Variants in TNKS observed in about 807,000 individuals in gnomAD.
TNKS encodes poly [ADP-ribose] polymerase tankyrase-1.
Under a neutral mutation model 135.8 loss-of-function variants are expected in TNKS, and 72 were observed. The observed-to-expected ratio is 0.53, with a 90% CI of 0.44 to 0.64. The LOEUF (loss-of-function observed/expected upper bound fraction) is 0.64. Ranked by LOEUF, TNKS falls within the 30% of genes least tolerant of loss-of-function variation. TNKS has a pLI of 0.00. For synonymous variants in TNKS, 849 were observed against 649.3 expected (o/e 1.31, Z -4.68); for missense variants, 1,769 against 1,674.0 (o/e 1.06, Z -0.99).
At chr8:9,609,099 C>A (rs146964276) in intron 2 of TNKS, among the ~76,000 whole-genome samples, 2 of 152,144 alleles carry the variant, frequency 1.3e-5, no homozygotes, top group East Asian at 3.9e-4. Context: ...TTTTTTAGAT[C>A]TTTCAGCTTG....
chr8:9,698,100 G>T (rs1171750025), intron 5 of TNKS, among the ~76,000 whole-genome samples: 2 of 152,136 alleles, frequency 1.3e-5, no homozygotes, highest in African/African-American at 2.4e-5. Context: ...GCCCTTTGCA[G>T]CAATATGAAT....
intron 23 of TNKS, 114 bp downstream of exon 23, chr8:9,764,904 C>T (rs993300296): frequency 7.1e-5 from 52 of 729,678 alleles, no homozygotes; most frequent in Non-Finnish European, 9.7e-5. Context: ...AAAGATAATT[C>T]GTCACCTGTC....
intron 25 of TNKS, 104 bp from the exon 26 acceptor site, chr8:9,770,002 A>T: frequency 1.0e-6 from 1 of 983,626 alleles, no homozygotes. Context: ...CATTTAAATT[A>T]GCTTGCCTTA....
intron 2 of TNKS, among the ~76,000 whole-genome samples, chr8:9,604,557 T>C (rs1799147417): frequency 6.6e-6 from 1 of 152,010 alleles, no homozygotes. Context: ...GTTTATGTAC[T>C]ATTAATTTCT....
chr8:9,660,340 A>G (rs1319661118), intron 3 of TNKS, among the ~76,000 whole-genome samples: 3 of 152,238 alleles, frequency 2.0e-5, no homozygotes, highest in African/African-American at 4.8e-5. Flanking sequence ...AATCCTCAAT[A>G]AAATACTGGC....
At chr8:9,708,209 A>G (rs1312082780) in intron 8 of TNKS, among the ~76,000 whole-genome samples, 162 bp from the exon 9 acceptor site, 1 of 152,170 alleles carries the variant, frequency 6.6e-6, no homozygotes, top group East Asian at 1.9e-4. Flanking sequence ...ATTAATCTAC[A>G]TCCTCATCTT....
At chr8:9,651,613 A>G (rs1009177186) in intron 3 of TNKS, among the ~76,000 whole-genome samples, 1 of 152,216 alleles carries the variant, frequency 6.6e-6, no homozygotes, top group Non-Finnish European at 1.5e-5. Flanking sequence ...AGTGCAATTC[A>G]GTAGTTCAGA....
chr8:9,648,057 G>T (rs970423978), intron 3 of TNKS, among the ~76,000 whole-genome samples: 1 of 152,262 alleles, frequency 6.6e-6, no homozygotes, highest in South Asian at 2.1e-4. Context: ...TATGTCTTCT[G>T]TAGGGCACTT....
intron 3 of TNKS, among the ~76,000 whole-genome samples, chr8:9,627,089 C>A (rs1428453671): frequency 6.6e-6 from 1 of 152,094 alleles, no homozygotes; most frequent in Non-Finnish European, 1.5e-5. Flanking sequence ...GTAGTTTAAT[C>A]AGTTGTGCCT....
At chr8:9,603,133 A>T (rs1477821917) in intron 2 of TNKS, among the ~76,000 whole-genome samples, 1 of 151,924 alleles carries the variant, frequency 6.6e-6, no homozygotes, top group Admixed American at 6.6e-5. Context: ...GCTCACTGCA[A>T]CCTCCATCTC....
chr8:9,720,570 C>T lies in TNKS; in HGVS notation c.1921+25C>T, dbSNP rs1035856328. On this transcript the variant is annotated intron_variant, in intron 12 of 26. Transcript: ENST00000310430. ...GGTGAGTTAAAATAGACCAACAGGG[C>T]ATTTTATGTTTTCTCTTCCATCCCT... 5 of 1,583,466 alleles carry T rather than the reference C, an allele frequency of 3.2e-6. No individual in the cohort carries two copies. In the African/African-American group the frequency reaches 6.8e-5, roughly 22 times the overall value.
rs773936199 is a variant in TNKS, at chr8:9,706,911, A to G, written c.1370A>G (p.His457Arg). 1.9e-6 allele frequency: 3 copies of G among 1,614,130 alleles called. No individual in the cohort carries two copies. In the South Asian group the frequency reaches 3.3e-5, roughly 18 times the overall value. Residue 457 changes from histidine to arginine, a missense_variant, in exon 8 of 27, where the codon CAT (histidine) becomes CGT (arginine). His to Arg is a conservative substitution (Grantham distance 29, BLOSUM62 0). This residue lies in a region of TNKS where 523 missense variants were observed against 541.0 expected (regional missense o/e 0.97). Transcript: ENST00000310430. ...RVEVCSLLLS[H>R]GADPTLVNCH... ...GAAGTCTGCTCTTTGTTACTTAGCCATGGCGCTGATCCTACATTAGTCAAC... is the reference window on the plus strand; with the variant it reads ...GAAGTCTGCTCTTTGTTACTTAGCCGTGGCGCTGATCCTACATTAGTCAAC...
chr8:9,640,044 A>C (rs1585264600), intron 3 of TNKS, among the ~76,000 whole-genome samples: 2 of 152,294 alleles, frequency 1.3e-5, no homozygotes, highest in African/African-American at 4.8e-5. Context: ...AAAAGTGCCT[A>C]TACAGGGAAT....
chr8:9,697,434 A>G (rs1056547839), intron 5 of TNKS, among the ~76,000 whole-genome samples: 18 of 152,210 alleles, frequency 1.2e-4, no homozygotes. Context: ...TTGTAATAAA[A>G]ATAAAAACTG....
intron 1 of TNKS, among the ~76,000 whole-genome samples, chr8:9,564,119 C>T (rs1292772404): frequency 1.3e-5 from 2 of 152,020 alleles, no homozygotes; most frequent in African/African-American, 2.4e-5. Context: ...TTTTCAGGAA[C>T]CTTAACCGGA....
At chr8:9,740,499 CAG>C (rs1805885228) in intron 17 of TNKS, among the ~76,000 whole-genome samples, 1 of 152,142 alleles carries the variant, frequency 6.6e-6, no homozygotes, top group South Asian at 2.1e-4. Flanking sequence ...ACCTGTATTT[CAG>C]AGAGAGGACA....
In TNKS at chr8:9,680,836, A is replaced by T. The variant is rs192458905; in HGVS notation, c.1107+36A>T. On this transcript the variant is annotated intron_variant, in intron 5 of 26. Coordinates refer to ENST00000310430, the MANE Select transcript of TNKS (RefSeq NM_003747.3). Reference sequence around the variant, plus strand: ...TTAAATACAATCCTCTTTAATTGCAATGCTTCAAAATTTTGTGAATGTGGC... The same window carrying T: ...TTAAATACAATCCTCTTTAATTGCATTGCTTCAAAATTTTGTGAATGTGGC... 4.5e-6 allele frequency: 7 copies of T among 1,556,898 alleles called. No individual in the cohort carries two copies. The East Asian group carries it at 1.6e-4, about 35-fold the overall frequency.
intron 12 of TNKS, among the ~76,000 whole-genome samples, chr8:9,725,823 G>A (rs773665958): frequency 6.6e-6 from 1 of 152,012 alleles, no homozygotes; most frequent in Non-Finnish European, 1.5e-5. Flanking sequence ...TATTTTATTT[G>A]GGTCAATGTG....
chr8:9,565,693 TACAC>T (rs112370875), intron 1 of TNKS, among the ~76,000 whole-genome samples: 1 of 151,858 alleles, frequency 6.6e-6, no homozygotes, highest in African/African-American at 2.4e-5. Context: ...CTACTAAAAA[TACAC>T]ACACACAAAA....
Sources: gnomAD v4.1 joint callset for allele counts (sites outside exome capture counted in the v4.1 genomes callset) on GRCh38, gnomAD v4.1.1 for gene constraint, gnomAD v4.1.1 regional missense constraint, MANE v1.5 for transcripts, NCBI Gene and HGNC (gene_info 2026-07-23, HGNC 2026-07-21) for gene names.